CCSER1: variants seen among roughly 807,000 people sequenced by gnomAD.
The protein encoded by CCSER1 is serine-rich coiled-coil domain-containing protein 1.
In CCSER1, 41 loss-of-function variants were observed where a neutral mutation model predicts 82.0. The ratio of observed to expected loss-of-function variants is 0.50; its 90% CI spans 0.39 to 0.65. CCSER1 has a LOEUF of 0.65. CCSER1 is among the 30% of genes least tolerant of loss of function. CCSER1 has a pLI of 0.00. For missense variants in CCSER1, 1,119 were observed against 1,064.2 expected (o/e 1.05, Z -0.72); for synonymous variants, 414 against 383.9 (o/e 1.08, Z -0.92).
At chr4:91,511,674 A>G (rs1759832687) in intron 10 of CCSER1, among the ~76,000 whole-genome samples, 1 of 152,090 alleles carries the variant, frequency 6.6e-6, no homozygotes, top group South Asian at 2.1e-4. Context: ...TGAACTGCAC[A>G]TGTGAGGAAT....
chr4:91,220,674 A>G (rs1386776860), intron 10 of CCSER1, among the ~76,000 whole-genome samples: 1 of 152,116 alleles, frequency 6.6e-6, no homozygotes, highest in East Asian at 1.9e-4. Flanking sequence ...TTTTTGGCCT[A>G]CTTCACATAA....
chr4:90,685,830 G>A (rs560439122), intron 6 of CCSER1, among the ~76,000 whole-genome samples: 3 of 152,274 alleles, frequency 2.0e-5, no homozygotes, highest in Admixed American at 2.0e-4. Flanking sequence ...CTTTTGGTTT[G>A]ATAGTCAACT....
chr4:90,674,958 T>C (rs1266263018), intron 6 of CCSER1, among the ~76,000 whole-genome samples: 1 of 152,004 alleles, frequency 6.6e-6, no homozygotes, highest in African/African-American at 2.4e-5. Flanking sequence ...ATGACTATTT[T>C]TCAGTGGGTG....
intron 1 of CCSER1, among the ~76,000 whole-genome samples, chr4:90,271,988 G>T (rs767248726): frequency 3.4e-5 from 5 of 149,094 alleles, no homozygotes; most frequent in Admixed American, 6.7e-5. Flanking sequence ...TTTTTACAAG[G>T]CAGGAGAGAG....
chr4:90,926,291 G>A (rs1189260035), intron 9 of CCSER1, among the ~76,000 whole-genome samples: 2 of 151,828 alleles, frequency 1.3e-5, no homozygotes, highest in African/African-American at 2.4e-5. Context: ...TGGAAATCTT[G>A]TACATTATGG....
intron 10 of CCSER1, among the ~76,000 whole-genome samples, chr4:91,101,914 T>A (rs1725103124): frequency 6.6e-6 from 1 of 152,198 alleles, no homozygotes. Context: ...ATCAAAGGAT[T>A]ACTTAAAAAG....
In CCSER1 at chr4:91,391,406, T is replaced by A. The variant is rs191173111; in HGVS notation, c.2218-207166T>A. Among the ~76,000 whole-genome samples the A allele has an allele frequency of 1.1e-4, 17 of 152,284 alleles. No homozygotes were observed. The East Asian group carries it at 2.9e-3, about 26-fold the overall frequency. On this transcript the variant is annotated intron_variant, in intron 10 of 10. Transcript: ENST00000509176. ...GCCTCTACCTCCTGGGCTCAAGTGATCCTTGAACCTCAGCCATCAGAGCAG... is the reference window on the plus strand; with the variant it reads ...GCCTCTACCTCCTGGGCTCAAGTGAACCTTGAACCTCAGCCATCAGAGCAG...
At chr4:91,180,220 A>T (rs1733865891) in intron 10 of CCSER1, among the ~76,000 whole-genome samples, 1 of 152,160 alleles carries the variant, frequency 6.6e-6, no homozygotes, top group Non-Finnish European at 1.5e-5. Flanking sequence ...GTCAGCTGCT[A>T]CTGGGAGTTG....
intron 7 of CCSER1, among the ~76,000 whole-genome samples, chr4:90,779,498 C>A (rs1384943846): frequency 1.3e-5 from 2 of 152,076 alleles, no homozygotes; most frequent in Non-Finnish European, 2.9e-5. Context: ...CTTTCTTTTC[C>A]CAATGGTTAG....
At chr4:91,297,385 A>ATGTGTGTGTGTGTGTGTGTGTGTG (rs57164334) in intron 10 of CCSER1, among the ~76,000 whole-genome samples, 2 of 118,068 alleles carry the variant, frequency 1.7e-5, no homozygotes, top group Non-Finnish European at 1.9e-5. Context: ...GTGTGTGTGT[A>ATGTGTGTGTGTGTGTGTGTGTGTG]TGTGTGTGTG....
intron 10 of CCSER1, among the ~76,000 whole-genome samples, chr4:91,359,854 G>A (rs1749130501): frequency 6.6e-6 from 1 of 151,822 alleles, no homozygotes; most frequent in Non-Finnish European, 1.5e-5. Flanking sequence ...GGTGGTGGTG[G>A]TAATTTTAGT....
intron 10 of CCSER1, among the ~76,000 whole-genome samples, chr4:91,575,707 G>A (rs532993278): frequency 6.6e-6 from 1 of 151,922 alleles, no homozygotes; most frequent in South Asian, 2.1e-4. Context: ...CAAGCTGGAG[G>A]CTTCAAAAGG....
intron 3 of CCSER1, among the ~76,000 whole-genome samples, chr4:90,387,062 A>C (rs1750170358): frequency 6.6e-6 from 1 of 152,190 alleles, no homozygotes; most frequent in Admixed American, 6.6e-5. Context: ...AATAAGGAAT[A>C]CGTTAATTTT....
Position 90,182,956 on chromosome 4 carries a change from G to A in CCSER1, c.-42+55125G>A, listed in dbSNP as rs182672329. ...GATTTTAAATTGTTTTTGAAATGAA[G>A]GACATCCATTTGTAATTACACACAA... On this transcript the variant is annotated intron_variant, in intron 1 of 10. Coordinates refer to ENST00000509176, the MANE Select transcript of CCSER1 (RefSeq NM_001145065.2). Among the ~76,000 whole-genome samples the A allele has an allele frequency of 1.8e-3, 275 of 151,638 alleles. 2 individuals carry two copies. The highest frequency in any genetic ancestry group is 0.014 in the Middle Eastern group (4 of 290).
intron 9 of CCSER1, among the ~76,000 whole-genome samples, chr4:90,978,332 G>A (rs1735795748): frequency 6.6e-6 from 1 of 151,590 alleles, no homozygotes; most frequent in South Asian, 2.1e-4. Context: ...AAAGCTCTTA[G>A]AACAATGTTG....
chr4:91,501,825 T>G (rs985811707), intron 10 of CCSER1, among the ~76,000 whole-genome samples: 1 of 152,114 alleles, frequency 6.6e-6, no homozygotes, highest in African/African-American at 2.4e-5. Context: ...AATGAAAAAT[T>G]AAAACATGAG....
chr4:90,930,657 A>G (rs1729633601), intron 9 of CCSER1, among the ~76,000 whole-genome samples: 1 of 151,490 alleles, frequency 6.6e-6, no homozygotes, highest in African/African-American at 2.4e-5. Context: ...TTACAGAAAG[A>G]ATTTTTACCA....
chr4:90,438,875 G>T (rs1759441331), intron 4 of CCSER1, among the ~76,000 whole-genome samples: 1 of 151,824 alleles, frequency 6.6e-6, no homozygotes, highest in South Asian at 2.1e-4. Context: ...ATTCTTATTT[G>T]GCACAGTGCA....
intron 10 of CCSER1, among the ~76,000 whole-genome samples, chr4:91,113,154 T>C (rs1192396671): frequency 6.6e-6 from 1 of 152,240 alleles, no homozygotes; most frequent in Non-Finnish European, 1.5e-5. Flanking sequence ...GTAGGGATTG[T>C]GTCTTTTATA....
Sources: gnomAD v4.1 joint callset for allele counts (sites outside exome capture counted in the v4.1 genomes callset) on GRCh38, gnomAD v4.1.1 for gene constraint, MANE v1.5 for transcripts, NCBI Gene and HGNC (gene_info 2026-07-23, HGNC 2026-07-21) for gene names.